Variants in TMEM132D observed in about 807,000 individuals in gnomAD.
TMEM132D encodes transmembrane protein 132D.
TMEM132D carries 21 observed loss-of-function variants against 62.3 expected under a neutral mutation model. That is an observed-to-expected ratio of 0.34 (90% CI 0.24 to 0.49). The LOEUF is 0.49. Among genes scored for constraint, TMEM132D ranks in the 20% least tolerant of loss-of-function variants. The pLI, the probability that TMEM132D is intolerant of heterozygous loss-of-function variation, is 0.99. For missense variants in TMEM132D, 1,346 were observed against 1,402.8 expected, an observed-to-expected ratio of 0.96 and a Z score of 0.65; for synonymous variants, 621 against 575.6, an observed-to-expected ratio of 1.08 and a Z score of -1.13.
chr12:129,444,339 G>T (rs975870470), intron 3 of TMEM132D, among the ~76,000 whole-genome samples: 8 of 152,028 alleles, frequency 5.3e-5, no homozygotes, highest in Non-Finnish European at 1.0e-4. Context: ...CGGAATGGGG[G>T]AAAATTTTTG....
At chr12:129,180,925 C>G (rs1257521352) in intron 5 of TMEM132D, among the ~76,000 whole-genome samples, 1 of 151,922 alleles carries the variant, frequency 6.6e-6, no homozygotes, top group African/African-American at 2.4e-5. Context: ...AGAATGTTTT[C>G]TTGGTGGGAT....
rs552214086 is a variant in TMEM132D, at chr12:129,253,282, C to T, written c.1300-43619G>A. Among the ~76,000 whole-genome samples, 12 of 149,874 alleles carry T rather than the reference C, an allele frequency of 8.0e-5. No individual in the cohort carries two copies. The South Asian group carries it at 2.6e-3, about 32-fold the overall frequency. ...TACATTCCTCAGTATTGCCTAGAAA[C>T]TACCAGAAAGCCTTGAATCATGTGG... On this transcript the variant is annotated intron_variant, in intron 4 of 8. Coordinates refer to ENST00000422113, the MANE Select transcript of TMEM132D (RefSeq NM_133448.3).
chr12:129,139,321 A>C (rs1046802246), intron 5 of TMEM132D, among the ~76,000 whole-genome samples: 1 of 152,178 alleles, frequency 6.6e-6, no homozygotes, highest in East Asian at 1.9e-4. Flanking sequence ...TGTCACATGC[A>C]GTGGTGATTT....
chr12:129,115,065 G>A (rs747839108), intron 5 of TMEM132D, among the ~76,000 whole-genome samples: 3 of 152,134 alleles, frequency 2.0e-5, no homozygotes, highest in South Asian at 2.1e-4. Context: ...CACAGAGCTC[G>A]TATACATCCT....
At chr12:129,593,810 C>A (rs539766870) in intron 2 of TMEM132D, among the ~76,000 whole-genome samples, 3 of 151,476 alleles carry the variant, frequency 2.0e-5, no homozygotes, top group African/African-American at 4.9e-5. Context: ...TCAAACGTCA[C>A]GGGGAACTTA....
intron 5 of TMEM132D, chr12:129,170,211 G>T (rs1168623480): frequency 6.6e-6 from 1 of 152,204 alleles, no homozygotes; most frequent in African/African-American, 2.4e-5. Context: ...TGCAAACTGT[G>T]AATAAATAAA....
chr12:129,482,768 C>CTT (rs68150613), intron 3 of TMEM132D, among the ~76,000 whole-genome samples: 15 of 147,004 alleles, frequency 1.0e-4, no homozygotes, highest in African/African-American at 3.7e-4. Flanking sequence ...AATACAACAT[C>CTT]TTTTTTTTTT....
chr12:129,286,008 T>C (rs978490657), intron 4 of TMEM132D, among the ~76,000 whole-genome samples: 19 of 152,336 alleles, frequency 1.2e-4, no homozygotes, highest in African/African-American at 3.8e-4. Flanking sequence ...ATTAAATCCA[T>C]GATTTTCTTC....
intron 2 of TMEM132D, among the ~76,000 whole-genome samples, chr12:129,680,605 A>G (rs1295419690): frequency 6.6e-6 from 1 of 152,202 alleles, no homozygotes; most frequent in Non-Finnish European, 1.5e-5. Flanking sequence ...TCAATCAGAA[A>G]AGAAAATATC....
At chr12:129,251,875 G>GGCAACAAT (rs1436174382) in intron 4 of TMEM132D, among the ~76,000 whole-genome samples, 1 of 152,112 alleles carries the variant, frequency 6.6e-6, no homozygotes, top group Non-Finnish European at 1.5e-5. Context: ...TTGATCATCA[G>GGCAACAAT]GCAACAATGA....
chr12:129,480,741 C>T (rs188487788), intron 3 of TMEM132D, among the ~76,000 whole-genome samples: 15 of 152,102 alleles, frequency 9.9e-5, no homozygotes, highest in African/African-American at 2.7e-4. Context: ...TTGGCAAGAA[C>T]GTAGAGAAAC....
chr12:129,369,383 T>C (rs1212849764), intron 3 of TMEM132D, among the ~76,000 whole-genome samples: 2 of 152,020 alleles, frequency 1.3e-5, no homozygotes, highest in Non-Finnish European at 2.9e-5. Flanking sequence ...TTTTTTTAAA[T>C]TAATTCAGAT....
At chr12:129,689,925 GA>G (rs1355163612) in intron 2 of TMEM132D, among the ~76,000 whole-genome samples, 2 of 152,152 alleles carry the variant, frequency 1.3e-5, no homozygotes, top group Admixed American at 6.5e-5. Context: ...GAGGTTGTAG[GA>G]CAAAGCGCCA....
rs187995949 is a variant in TMEM132D at position 129,750,710 on chromosome 12, G to T, written c.80-50012C>A. On this transcript the variant is annotated intron_variant, in intron 1 of 8. Transcript: ENST00000422113. ...GAGGAGCAGGGAAAGCTGGGAAGGGGTTGGTCAGCGGGTACAAAGGTATAG... is the reference window on the plus strand; with the variant it reads ...GAGGAGCAGGGAAAGCTGGGAAGGGTTTGGTCAGCGGGTACAAAGGTATAG... Among the ~76,000 whole-genome samples, 42 of 152,256 alleles carry T rather than the reference G, an allele frequency of 2.8e-4. 1 individual carries two copies. The East Asian group carries it at 7.7e-3, about 28-fold the overall frequency.
At chr12:129,503,979 TGTCATC>T (rs897379506) in intron 3 of TMEM132D, among the ~76,000 whole-genome samples, 4 of 142,166 alleles carry the variant, frequency 2.8e-5, no homozygotes, top group African/African-American at 5.3e-5. Context: ...TCATCACTAT[TGTCATC>T]ATCATCATTA....
chr12:129,553,476 C>T (rs926488698), intron 2 of TMEM132D, among the ~76,000 whole-genome samples: 11 of 152,222 alleles, frequency 7.2e-5, no homozygotes, highest in African/African-American at 2.7e-4. Context: ...CACTGTACGT[C>T]TGTGCCTTCA....
intron 1 of TMEM132D, among the ~76,000 whole-genome samples, chr12:129,772,203 T>C (rs187681775): frequency 2.0e-5 from 3 of 152,328 alleles, no homozygotes; most frequent in African/African-American, 7.2e-5. Flanking sequence ...TTCCAAAGCA[T>C]AGCTGCAACA....
intron 3 of TMEM132D, among the ~76,000 whole-genome samples, chr12:129,377,008 C>A (rs774944096): frequency 1.2e-4 from 19 of 152,312 alleles, no homozygotes; most frequent in Non-Finnish European, 1.9e-4. Context: ...CAGTGGAATT[C>A]CTGAACCACT....
rs113389148 is a variant in TMEM132D, at chr12:129,173,220, A to G, written c.1443+36300T>C. On this transcript the variant is annotated intron_variant, in intron 5 of 8. Coordinates refer to ENST00000422113, the MANE Select transcript of TMEM132D (RefSeq NM_133448.3). ...AGTTGCCGTGAACCTTCAATTTATAACAAATGCAATATCTTGGAAGCAGAG... is the reference window on the plus strand; with the variant it reads ...AGTTGCCGTGAACCTTCAATTTATAGCAAATGCAATATCTTGGAAGCAGAG... Among the ~76,000 whole-genome samples, 443 of 152,372 alleles carry G rather than the reference A, an allele frequency of 2.9e-3. 1 individual carries two copies. The highest frequency in any genetic ancestry group is 0.01 in the African/African-American group (420 of 41,590).
Sources: gnomAD v4.1 joint callset for allele counts (sites outside exome capture counted in the v4.1 genomes callset) on GRCh38, gnomAD v4.1.1 for gene constraint, MANE v1.5 for transcripts, NCBI Gene and HGNC (gene_info 2026-07-23, HGNC 2026-07-21) for gene names.